Variants in MGAT4C observed in about 807,000 individuals in gnomAD.
MGAT4C encodes the protein MGAT4 family member C, also known as alpha-1,3-mannosyl-glycoprotein 4-beta-N-acetylglucosaminyltransferase C.
A neutral mutation model predicts 40.1 loss-of-function variants in MGAT4C; 19 were observed. The ratio of observed to expected loss-of-function variants is 0.47; its 90% CI spans 0.33 to 0.70. The LOEUF is 0.70. Among genes scored for constraint, MGAT4C ranks in the 30% least tolerant of loss-of-function variants. MGAT4C has a pLI of 0.02. For missense variants in MGAT4C, 491 were observed against 563.2 expected (o/e 0.87, Z 1.30); for synonymous variants, 181 against 187.1 (o/e 0.97, Z 0.27).
At chr12:86,334,897 C>T (rs1466117663) in intron 3 of MGAT4C, among the ~76,000 whole-genome samples, 5 of 152,078 alleles carry the variant, frequency 3.3e-5, no homozygotes, top group Non-Finnish European at 7.4e-5. Context: ...AAACATTAAA[C>T]TCTACCTGTG....
chr12:86,584,364 C>T (rs1055369176), intron 2 of MGAT4C, among the ~76,000 whole-genome samples: 11 of 150,566 alleles, frequency 7.3e-5, no homozygotes, highest in Non-Finnish European at 1.5e-4. Context: ...AAATTATGTC[C>T]TCATTGATGC....
chr12:86,648,159 A>C (rs916324441), intron 2 of MGAT4C, among the ~76,000 whole-genome samples: 1 of 151,924 alleles, frequency 6.6e-6, no homozygotes, highest in Non-Finnish European at 1.5e-5. Flanking sequence ...AATTATTTGT[A>C]TTATATTAAA....
At chr12:86,329,008 C>A (rs1301130871) in intron 4 of MGAT4C, among the ~76,000 whole-genome samples, 1 of 151,680 alleles carries the variant, frequency 6.6e-6, no homozygotes, top group East Asian at 1.9e-4. Flanking sequence ...GAAGCTAAGG[C>A]AGGAGAATGA....
At chr12:86,754,675 G>T (rs1035527217) in intron 1 of MGAT4C, among the ~76,000 whole-genome samples, 1 of 152,016 alleles carries the variant, frequency 6.6e-6, no homozygotes, top group African/African-American at 2.4e-5. Context: ...AACAAGAAAA[G>T]ATAGACAAAT....
At chr12:86,119,706 G>GC (rs1334953815) in intron 1 of MGAT4C, among the ~76,000 whole-genome samples, 2 of 149,960 alleles carry the variant, frequency 1.3e-5, no homozygotes, top group Non-Finnish European at 3.0e-5. Flanking sequence ...ACTATGCCCG[G>GC]CCCCCTCCCA....
rs554693346 is a variant in MGAT4C at position 86,501,694 on chromosome 12, A to T, written c.-228-66429T>A. 2.0e-4 allele frequency among the ~76,000 whole-genome samples: 31 copies of T among 152,158 alleles called. No homozygotes were observed. In the South Asian group the frequency reaches 6.2e-3, roughly 31 times the overall value. On this transcript the variant is annotated intron_variant, in intron 2 of 7. Transcript: ENST00000548651. ...TGATCTTGTTCCTTTTTATGGCTGC[A>T]TAGTATTCCATGGTGTATATATGCC...
At chr12:86,381,141 G>C (rs56305219) in intron 3 of MGAT4C, among the ~76,000 whole-genome samples, 12,891 of 152,000 alleles carry the variant, frequency 0.085, 759 homozygotes, top group Middle Eastern at 0.22. Flanking sequence ...CACTATAGTT[G>C]GAATCATGTG....
At chr12:86,145,647 C>G (rs1883414013) in intron 1 of MGAT4C, among the ~76,000 whole-genome samples, 1 of 152,174 alleles carries the variant, frequency 6.6e-6, no homozygotes, top group South Asian at 2.1e-4. Flanking sequence ...TTGGGCTTAT[C>G]TAATAATCAC....
rs1222999839 is a variant in MGAT4C, at chr12:86,289,598, T to A, written c.-57+44467A>T. 5.3e-5 allele frequency among the ~76,000 whole-genome samples: 8 copies of A among 152,184 alleles called. No homozygotes were observed. The East Asian group carries it at 1.5e-3, about 29-fold the overall frequency. On this transcript the variant is annotated intron_variant, in intron 4 of 7. Transcript: ENST00000548651. The stretch of plus-strand genomic sequence containing the variant: ...GATGTCTTTCAGCAGTGTTTGGTAA[T>A]TCTCCTTGTAGAGATCATTCACCTC...
chr12:86,196,914 T>G (rs1475026526), intron 1 of MGAT4C, among the ~76,000 whole-genome samples: 2 of 152,236 alleles, frequency 1.3e-5, no homozygotes, highest in Admixed American at 6.5e-5. Flanking sequence ...TTCCACTTTT[T>G]GCAACATAGT....
intron 1 of MGAT4C, among the ~76,000 whole-genome samples, chr12:86,064,433 T>C (rs1012546638): frequency 6.6e-6 from 1 of 152,086 alleles, no homozygotes; most frequent in Admixed American, 6.6e-5. Flanking sequence ...CACAACTACA[T>C]GGAAATTGAA....
rs984049604 is a variant in MGAT4C, at chr12:85,957,038, G to A, written c.*22251C>T. ...CATTGGTTGGACACATAAAATGAGA[G>A]TATGTAGATGCGAGCCCTTTGCTGC... On this transcript the variant is annotated 3_prime_UTR_variant, in exon 5 of 5. Transcript: ENST00000611864. 6.6e-6 allele frequency: 1 copy of A among 152,150 alleles called. No individual in the cohort carries two copies. The highest frequency in any genetic ancestry group is 1.9e-4 in the East Asian group (1 of 5,184). 9.4% of individuals were successfully genotyped at this position (152,150 alleles called of 1,614,324 possible).
intron 2 of MGAT4C, among the ~76,000 whole-genome samples, chr12:86,572,172 G>A (rs1476590103): frequency 2.0e-5 from 3 of 152,072 alleles, no homozygotes; most frequent in African/African-American, 7.2e-5. Flanking sequence ...TTTGTGCACT[G>A]GAAGAGTGTG....
intron 2 of MGAT4C, among the ~76,000 whole-genome samples, chr12:86,461,909 A>G (rs1957607531): frequency 1.3e-5 from 2 of 152,202 alleles, no homozygotes; most frequent in African/African-American, 4.8e-5. Flanking sequence ...AGAGATTAGC[A>G]GGCTTTCTCC....
intron 1 of MGAT4C, among the ~76,000 whole-genome samples, chr12:86,110,296 C>CTATATATATAT (rs375212206): frequency 1.6e-4 from 3 of 18,934 alleles, no homozygotes; most frequent in Admixed American, 7.8e-4. Context: ...TATATATAGT[C>CTATATATATAT]TCTCTATATA....
At chr12:86,593,548 A>T (rs911170312) in intron 2 of MGAT4C, among the ~76,000 whole-genome samples, 1 of 152,124 alleles carries the variant, frequency 6.6e-6, no homozygotes, top group African/African-American at 2.4e-5. Context: ...GCTTCATTCC[A>T]TAAATTTTGG....
intron 2 of MGAT4C, among the ~76,000 whole-genome samples, chr12:86,692,003 T>C (rs1424713405): frequency 6.6e-6 from 1 of 152,206 alleles, no homozygotes; most frequent in Non-Finnish European, 1.5e-5. Context: ...ATTGGTTGAA[T>C]ATCATATTAG....
chr12:86,592,291 T>G (rs974132185), intron 2 of MGAT4C, among the ~76,000 whole-genome samples: 1 of 152,082 alleles, frequency 6.6e-6, no homozygotes, highest in African/African-American at 2.4e-5. Flanking sequence ...TTAGAAGACA[T>G]GAATTTCTTT....
At position 86,235,626 on chromosome 12, in the gene MGAT4C, A is replaced by G. The variant is rs560934032; in HGVS notation, c.-57+20613T>C. Among the ~76,000 whole-genome samples the G allele has an allele frequency of 5.3e-5, 8 of 152,170 alleles. No individual in the cohort carries two copies. The South Asian group carries it at 1.2e-3, about 24-fold the overall frequency. On this transcript the variant is annotated intron_variant, in intron 1 of 4. Transcript: ENST00000611864. ...TGAGTGTTTGTATATGCTGTCTGAA[A>G]TGCCATATCATTGTACTTGGCTAAT...
Sources: allele counts gnomAD v4.1 joint callset (sites outside exome capture counted in the v4.1 genomes callset), GRCh38; gene constraint gnomAD v4.1.1; transcripts MANE v1.5; gene names NCBI Gene and HGNC (gene_info 2026-07-23, HGNC 2026-07-21).